Variants in ATXN10 observed in about 807,000 individuals in gnomAD.
ATXN10 encodes the protein ataxin-10.
A neutral mutation model predicts 52.9 loss-of-function variants in ATXN10; 28 were observed. That is an observed-to-expected ratio of 0.53 (90% CI 0.39 to 0.73). The LOEUF is 0.73. Ranked by LOEUF, ATXN10 falls within the 30% of genes least tolerant of loss-of-function variation. The pLI, the probability that ATXN10 is intolerant of heterozygous loss-of-function variation, is 0.00. For synonymous variants in ATXN10, 226 were observed against 221.5 expected (o/e 1.02, Z -0.18); for missense variants, 565 against 577.0 (o/e 0.98, Z 0.21).
chr22:45,834,269 C>T (rs900613281), intron 10 of ATXN10, among the ~76,000 whole-genome samples: 5 of 152,136 alleles, frequency 3.3e-5, no homozygotes, highest in Non-Finnish European at 7.4e-5. Context: ...TATTATCTGG[C>T]CACTGATCCC....
chr22:45,750,938 T>TG lies in ATXN10; in HGVS notation c.1173+10401dup, dbSNP rs920704477. On this transcript the variant is annotated intron_variant, in intron 9 of 11. Coordinates refer to ENST00000252934, the MANE Select transcript of ATXN10 (RefSeq NM_013236.4). This position sits in a 1 kb window ranked among gnomAD's most constrained non-coding sequence, Gnocchi z 4.2. ...TAATTCTTTCTTTCTTCTACTTTCC[T>TG]GTTTTTTTTTGAGACAGAGTCTTGC... is the stretch of plus-strand genomic sequence containing the variant. 2.1e-5 allele frequency among the ~76,000 whole-genome samples: 2 copies of TG among 95,220 alleles called. No individual in the cohort carries two copies. The highest frequency in any genetic ancestry group is 5.9e-5 in the African/African-American group (2 of 33,802). 62.5% of individuals were successfully genotyped at this position (95,220 alleles called of 152,430 possible).
Position 45,684,280 on chromosome 22 carries a change from G to A in ATXN10, c.117-5432G>A, listed in dbSNP as rs185752888. Among the ~76,000 whole-genome samples, 440 of 152,156 alleles carry A rather than the reference G, an allele frequency of 2.9e-3. 2 individuals carry two copies. Among genetic ancestry groups the A allele is most frequent in the South Asian group, 8.5e-3 (41 of 4,816 alleles). On this transcript the variant is annotated intron_variant, in intron 1 of 11. Coordinates refer to ENST00000252934, the MANE Select transcript of ATXN10 (RefSeq NM_013236.4). The surrounding 1 kb of genome is among the most constrained non-coding windows in gnomAD (Gnocchi z 4.1). Reference sequence around the variant, plus strand: ...CTTAGTTCCTTTCATTTAGCACAGTGCGTTTGTTCTGATGAAAGATGAATT... The same window carrying A: ...CTTAGTTCCTTTCATTTAGCACAGTACGTTTGTTCTGATGAAAGATGAATT...
Position 45,817,347 on chromosome 22 carries a change from C to CA in ATXN10, c.1237+10326dup, listed in dbSNP as rs1928497652. ...TTTTTTTTTTTTTTTTTTTTTAAGA[C>CA]AGAGTCTCACTTTGTCGCCCAGGCT... On this transcript the variant is annotated intron_variant, in intron 10 of 11. Coordinates refer to ENST00000252934, the MANE Select transcript of ATXN10 (RefSeq NM_013236.4). Among the ~76,000 whole-genome samples the CA allele has an allele frequency of 2.6e-5, 3 of 114,296 alleles. No homozygotes were observed. The South Asian group carries it at 8.2e-4, about 31-fold the overall frequency. 75.0% of individuals were successfully genotyped at this position (114,296 alleles called of 152,430 possible). A position where few individuals can be genotyped will look rare whatever the true frequency, so the allele number is the denominator to read the frequency against.
chr22:45,731,520 A>G (rs1165577040), intron 7 of ATXN10, among the ~76,000 whole-genome samples: 4 of 152,194 alleles, frequency 2.6e-5, no homozygotes, highest in Admixed American at 6.5e-5. Flanking sequence ...GTTCCTTTGT[A>G]TGCTGATATG....
chr22:45,702,153 T>C lies in ATXN10; in HGVS notation c.489-536T>C, dbSNP rs556599178. On this transcript the variant is annotated intron_variant, in intron 4 of 11. Coordinates refer to ENST00000252934, the MANE Select transcript of ATXN10 (RefSeq NM_013236.4). The stretch of plus-strand genomic sequence containing the variant: ...GTTTAAATGAAAAAAAATCCTGCCA[T>C]ATTGCATAACCCATGATATAATTGA... Among the ~76,000 whole-genome samples, 33 of 152,292 alleles carry C rather than the reference T, an allele frequency of 2.2e-4. 1 individual carries two copies. In the South Asian group the frequency reaches 3.1e-3, roughly 14 times the overall value.
In ATXN10 at chr22:45,819,401, A is replaced by G. The variant is rs1265102809; in HGVS notation, c.1237+12379A>G. Among the ~76,000 whole-genome samples, 1 of 152,106 alleles carries G rather than the reference A, an allele frequency of 6.6e-6. No individual in the cohort carries two copies. Among genetic ancestry groups the G allele is most frequent in the Admixed American group, 6.5e-5 (1 of 15,274 alleles). ...TGCTGCCTCTGTGGGTAGGAAGCACACTCTGATTCCACTGAGCCTGTCTCT... is the reference window on the plus strand; with the variant it reads ...TGCTGCCTCTGTGGGTAGGAAGCACGCTCTGATTCCACTGAGCCTGTCTCT... On this transcript the variant is annotated intron_variant, in intron 10 of 11. Transcript: ENST00000252934. The surrounding 1 kb of genome is among the most constrained non-coding windows in gnomAD (Gnocchi z 4.5).
At chr22:45,713,547 A>G (rs138692363) in intron 5 of ATXN10, among the ~76,000 whole-genome samples, 20 of 152,326 alleles carry the variant, frequency 1.3e-4, no homozygotes, top group African/African-American at 3.6e-4. Flanking sequence ...GTTCATCTGA[A>G]TGGTACTTCC....
rs1925137577 is a variant in ATXN10 at position 45,732,740 on chromosome 22, G to A, written c.894+3150G>A. Among the ~76,000 whole-genome samples, 3 of 152,074 alleles carry A rather than the reference G, an allele frequency of 2.0e-5. No individual in the cohort carries two copies. In the South Asian group the frequency reaches 6.2e-4, roughly 32 times the overall value. Reference sequence around the variant, plus strand: ...TGTTGGTACCTTGAAATCATCCATGGTGGAAGTAGTTGTGCCATGGAAACC... The same window carrying A: ...TGTTGGTACCTTGAAATCATCCATGATGGAAGTAGTTGTGCCATGGAAACC... On this transcript the variant is annotated intron_variant, in intron 7 of 11. Coordinates refer to ENST00000252934, the MANE Select transcript of ATXN10 (RefSeq NM_013236.4). The surrounding 1 kb of genome is among the most constrained non-coding windows in gnomAD (Gnocchi z 4.5).
intron 7 of ATXN10, among the ~76,000 whole-genome samples, chr22:45,737,550 A>T (rs547399835): frequency 3.3e-5 from 5 of 152,266 alleles, no homozygotes; most frequent in Non-Finnish European, 2.9e-5. Context: ...TAAAAATATG[A>T]GTTGTTTTTT....
At position 45,784,681 on chromosome 22, in the gene ATXN10, A is replaced by G. The variant is rs1318466303; in HGVS notation, c.1174-22278A>G. Among the ~76,000 whole-genome samples the G allele has an allele frequency of 6.6e-6, 1 of 152,092 alleles. No individual in the cohort carries two copies. The highest frequency in any genetic ancestry group is 1.5e-5 in the Non-Finnish European group (1 of 68,010). ...GACACACAGCTTAGAGCAGGGCCCA[A>G]ATTGACCTCATGGCTATTCTTACAC... On this transcript the variant is annotated intron_variant, in intron 9 of 11. Coordinates refer to ENST00000252934, the MANE Select transcript of ATXN10 (RefSeq NM_013236.4). This position sits in a 1 kb window ranked among gnomAD's most constrained non-coding sequence, Gnocchi z 4.2.
Position 45,672,308 on chromosome 22 carries a change from T to C in ATXN10, c.116+129T>C, listed in dbSNP as rs764744444. 6.4e-4 allele frequency: 666 copies of C among 1,045,422 alleles called. 1 individual carries two copies. Among genetic ancestry groups the C allele is most frequent in the Non-Finnish European group, 7.3e-4 (611 of 841,010 alleles). 64.8% of individuals were successfully genotyped at this position (1,045,422 alleles called of 1,614,324 possible). ...CGCGGAGGGCGAGGCCTGCGCGGGC[T>C]GCCTGAGCGCCACCCAGGCCTCCCG... On this transcript the variant is annotated intron_variant, in intron 1 of 11. Transcript: ENST00000252934.
rs374070809 is a variant in ATXN10 at position 45,699,513 on chromosome 22, A to G, written c.392-769A>G. 8.0e-5 allele frequency among the ~76,000 whole-genome samples: 9 copies of G among 112,506 alleles called. No individual in the cohort carries two copies. In the South Asian group the frequency reaches 1.9e-3, roughly 23 times the overall value. 73.8% of individuals were successfully genotyped at this position (112,506 alleles called of 152,430 possible). ...TCCTTTTTTTTTTTTTTTTTTTGAG[A>G]CAGGGTCTGGGTCTGTCTCCCCGGC... On this transcript the variant is annotated intron_variant, in intron 3 of 11. Coordinates refer to ENST00000252934, the MANE Select transcript of ATXN10 (RefSeq NM_013236.4).
At chr22:45,700,195 A>T in intron 3 of ATXN10, 87 bp from the exon 4 acceptor site, 1 of 988,764 alleles carries the variant, frequency 1.0e-6, no homozygotes, top group Non-Finnish European at 1.5e-6. Context: ...CTTTCTGTTT[A>T]ATAACATGGA....
chr22:45,748,090 G>A (rs954837149), intron 9 of ATXN10, among the ~76,000 whole-genome samples: 7 of 151,978 alleles, frequency 4.6e-5, no homozygotes, highest in Non-Finnish European at 5.9e-5. Flanking sequence ...GAGGTGGGAC[G>A]GTTGATTGAG....
chr22:45,796,299 C>G (rs950682093), intron 9 of ATXN10, among the ~76,000 whole-genome samples: 4 of 152,214 alleles, frequency 2.6e-5, no homozygotes, highest in African/African-American at 9.6e-5. Context: ...CTCTCGAACC[C>G]TATTTCCTGT....
chr22:45,767,649 A>G (rs971201241), intron 9 of ATXN10, among the ~76,000 whole-genome samples: 16 of 152,170 alleles, frequency 1.1e-4, no homozygotes, highest in African/African-American at 3.9e-4. Flanking sequence ...AAAAATTAAA[A>G]AGGAAATACA....
rs977188492 is a variant in ATXN10, at chr22:45,826,635, G to A, written c.1238-16356G>A. ...AGGCCAGAAGGCAGTGGGCCAAAAT[G>A]TTCAAAGTGCAAAAAGAAAAAACTG... On this transcript the variant is annotated intron_variant, in intron 10 of 11. Coordinates refer to ENST00000252934, the MANE Select transcript of ATXN10 (RefSeq NM_013236.4). This position sits in a 1 kb window ranked among gnomAD's most constrained non-coding sequence, Gnocchi z 5.0. 4.6e-5 allele frequency among the ~76,000 whole-genome samples: 7 copies of A among 152,226 alleles called. No individual in the cohort carries two copies. Among genetic ancestry groups the A allele is most frequent in the African/African-American group, 1.2e-4 (5 of 41,448 alleles).
intron 1 of ATXN10, chr22:45,680,118 T>C (rs1922859992): frequency 6.6e-6 from 1 of 152,152 alleles, no homozygotes. Context: ...GGCCCTGTGA[T>C]GGCCACAAGC....
chr22:45,774,190 T>C lies in ATXN10; in HGVS notation c.1174-32769T>C, dbSNP rs967061026. ...GGGGGTGGCCCTGCCTTAGTAGGCATGGTGGGGCACCTGCCTCCTACTTGG... is the reference window on the plus strand; with the variant it reads ...GGGGGTGGCCCTGCCTTAGTAGGCACGGTGGGGCACCTGCCTCCTACTTGG... On this transcript the variant is annotated intron_variant, in intron 9 of 11. Coordinates refer to ENST00000252934, the MANE Select transcript of ATXN10 (RefSeq NM_013236.4). This position sits in a 1 kb window ranked among gnomAD's most constrained non-coding sequence, Gnocchi z 6.2. Among the ~76,000 whole-genome samples, 6 of 152,232 alleles carry C rather than the reference T, an allele frequency of 3.9e-5. No individual in the cohort carries two copies. Among genetic ancestry groups the C allele is most frequent in the African/African-American group, 1.4e-4 (6 of 41,466 alleles).
Sources: gnomAD v4.1 joint callset for allele counts (sites outside exome capture counted in the v4.1 genomes callset) on GRCh38, gnomAD v4.1.1 for gene constraint, Gnocchi (gnomAD v3.1) non-coding constraint, MANE v1.5 for transcripts, NCBI Gene and HGNC (gene_info 2026-07-23, HGNC 2026-07-21) for gene names.